The following THSD7B variants were observed in gnomAD, a reference collection of about 807,000 sequenced individuals.
THSD7B encodes thrombospondin type-1 domain-containing protein 7B.
In THSD7B, 138 loss-of-function variants were observed where a neutral mutation model predicts 213.6. That is an observed-to-expected ratio of 0.65 (90% CI 0.56 to 0.74). The LOEUF is 0.74. THSD7B is among the 30% of genes least tolerant of loss of function. The pLI is 0.00. For synonymous variants in THSD7B, 742 were observed against 687.0 expected (o/e 1.08, Z -1.25); for missense variants, 1,931 against 1,991.5 (o/e 0.97, Z 0.58).
intron 2 of THSD7B, among the ~76,000 whole-genome samples, chr2:137,014,203 A>G (rs961984131): frequency 1.3e-5 from 2 of 151,888 alleles, no homozygotes; most frequent in African/African-American, 4.8e-5. Context: ...GATGCCAGCA[A>G]CTCCTTCAGG....
intron 13 of THSD7B, among the ~76,000 whole-genome samples, chr2:137,407,003 C>G (rs1398360876): frequency 6.6e-6 from 1 of 152,166 alleles, no homozygotes; most frequent in African/African-American, 2.4e-5. Flanking sequence ...AGCCATTACT[C>G]TGGCAACTCT....
intron 1 of THSD7B, among the ~76,000 whole-genome samples, chr2:136,822,867 C>G (rs1300189525): frequency 6.6e-6 from 1 of 152,120 alleles, no homozygotes; most frequent in Non-Finnish European, 1.5e-5. Flanking sequence ...TATCTGACTT[C>G]CCTAGAAAGT....
intron 7 of THSD7B, among the ~76,000 whole-genome samples, chr2:137,175,540 G>A (rs192856257): frequency 1.3e-5 from 2 of 152,204 alleles, no homozygotes; most frequent in Admixed American, 1.3e-4. Context: ...TATTTGCACG[G>A]CACTAGGAAT....
At chr2:137,439,639 A>T (rs1687360499) in intron 14 of THSD7B, among the ~76,000 whole-genome samples, 1 of 152,090 alleles carries the variant, frequency 6.6e-6, no homozygotes, top group African/African-American at 2.4e-5. Context: ...TGGAAGTTGT[A>T]TTTAATTTTA....
chr2:136,985,431 A>G (rs1482238642), intron 2 of THSD7B, among the ~76,000 whole-genome samples: 1 of 152,184 alleles, frequency 6.6e-6, no homozygotes, highest in South Asian at 2.1e-4. Flanking sequence ...AAAGGGCCCC[A>G]GATACTACTT....
chr2:136,771,094 C>T lies in THSD7B; in HGVS notation c.-36+5407C>T, dbSNP rs980847535. Among the ~76,000 whole-genome samples, 4 of 152,248 alleles carry T rather than the reference C, an allele frequency of 2.6e-5. No individual in the cohort carries two copies. The East Asian group carries it at 7.7e-4, about 29-fold the overall frequency. On this transcript the variant is annotated intron_variant, in intron 1 of 27. Coordinates refer to ENST00000409968, the MANE Select transcript of THSD7B (RefSeq NM_001316349.2). ...TGTATGTGGGAGTAGTTCAACAAGG[C>T]TTCTTTCTTTTGGGGAAAAAGTAAT...
At chr2:137,173,658 G>A (rs1485140189) in intron 7 of THSD7B, among the ~76,000 whole-genome samples, 3 of 152,166 alleles carry the variant, frequency 2.0e-5, no homozygotes, top group African/African-American at 7.2e-5. Context: ...CGTTTGTGGG[G>A]CAATGGCCAT....
At chr2:137,265,052 C>T (rs1682554718) in intron 10 of THSD7B, among the ~76,000 whole-genome samples, 1 of 151,980 alleles carries the variant, frequency 6.6e-6, no homozygotes, top group Non-Finnish European at 1.5e-5. Flanking sequence ...TGTTCAATTC[C>T]CACCTATGAG....
intron 1 of THSD7B, among the ~76,000 whole-genome samples, chr2:136,802,127 A>C (rs771060909): frequency 6.6e-6 from 1 of 152,078 alleles, no homozygotes; most frequent in Admixed American, 6.6e-5. Context: ...TATTAGGGAC[A>C]GAATAAGAAA....
intron 2 of THSD7B, among the ~76,000 whole-genome samples, chr2:136,895,503 C>A (rs1683941396): frequency 7.3e-6 from 1 of 136,772 alleles, no homozygotes; most frequent in Admixed American, 7.5e-5. Flanking sequence ...ATGTTTTATG[C>A]CAAGTGGAGA....
At chr2:137,611,211 T>C (rs1186506652) in intron 17 of THSD7B, among the ~76,000 whole-genome samples, 1 of 151,856 alleles carries the variant, frequency 6.6e-6, no homozygotes, top group Non-Finnish European at 1.5e-5. Flanking sequence ...AAAATGTGTT[T>C]TATATCACAA....
chr2:137,556,639 G>A (rs1253384679), intron 15 of THSD7B, among the ~76,000 whole-genome samples: 7 of 152,150 alleles, frequency 4.6e-5, no homozygotes, highest in Admixed American at 3.9e-4. Context: ...ATCAACTAAT[G>A]AGCAAAATAA....
At chr2:137,310,927 G>A (rs1306894952) in intron 12 of THSD7B, among the ~76,000 whole-genome samples, 1 of 151,986 alleles carries the variant, frequency 6.6e-6, no homozygotes, top group Non-Finnish European at 1.5e-5. Flanking sequence ...ATAGTTTGAA[G>A]TCAGGTAGTG....
At chr2:136,900,459 T>TAC (rs961308582) in intron 2 of THSD7B, among the ~76,000 whole-genome samples, 11 of 151,620 alleles carry the variant, frequency 7.3e-5, no homozygotes, top group East Asian at 1.9e-4. Context: ...TACACACACA[T>TAC]ACACACACAC....
intron 12 of THSD7B, among the ~76,000 whole-genome samples, chr2:137,360,545 G>A (rs976084557): frequency 4.6e-5 from 7 of 152,146 alleles, no homozygotes; most frequent in Non-Finnish European, 4.4e-5. Context: ...TTAGCAAACA[G>A]CACACCAGGA....
intron 12 of THSD7B, among the ~76,000 whole-genome samples, chr2:137,342,580 G>A (rs1684785481): frequency 6.6e-6 from 1 of 151,470 alleles, no homozygotes; most frequent in African/African-American, 2.4e-5. Flanking sequence ...GGGCATCCTT[G>A]CCTTGTTCTA....
intron 2 of THSD7B, among the ~76,000 whole-genome samples, chr2:137,031,632 AAAT>A (rs1285267613): frequency 6.6e-6 from 1 of 152,170 alleles, no homozygotes. Flanking sequence ...GTATTTAACA[AAAT>A]AATAACAATA....
At chr2:136,873,274 C>G (rs1474855286) in intron 1 of THSD7B, among the ~76,000 whole-genome samples, 1 of 152,134 alleles carries the variant, frequency 6.6e-6, no homozygotes, top group South Asian at 2.1e-4. Context: ...ACCAAAGACA[C>G]ATGTGATTGT....
At chr2:137,171,011 T>C in intron 7 of THSD7B, 73 bp downstream of exon 7, 1 of 1,439,572 alleles carries the variant, frequency 6.9e-7, no homozygotes, top group Non-Finnish European at 9.6e-7. Context: ...CACCCTTCAA[T>C]AGATCATTCT....
Sources: allele counts gnomAD v4.1 joint callset (sites outside exome capture counted in the v4.1 genomes callset), GRCh38; gene constraint gnomAD v4.1.1; transcripts MANE v1.5; gene names NCBI Gene and HGNC (gene_info 2026-07-23, HGNC 2026-07-21).